The following NBAS variants were observed in gnomAD, a reference collection of about 807,000 sequenced individuals.
NBAS encodes the protein NBAS subunit of NRZ tethering complex.
In NBAS, 219 loss-of-function variants were observed where a neutral mutation model predicts 302.5. The observed-to-expected ratio is 0.72, with a 90% CI of 0.65 to 0.81. The LOEUF (loss-of-function observed/expected upper bound fraction) is 0.81. NBAS is among the 30% of genes least tolerant of loss of function. The probability of loss-of-function intolerance (pLI) is 0.00; values close to 1 mark genes in which losing one functional copy is unlikely to be tolerated. For missense variants in NBAS, 2,932 were observed against 2,841.6 expected, an observed-to-expected ratio of 1.03 and a Z score of -0.72; for synonymous variants, 1,118 against 1,021.6, an observed-to-expected ratio of 1.09 and a Z score of -1.80.
chr2:15,559,525 C>A (rs1329530092), intron 1 of NBAS, among the ~76,000 whole-genome samples: 1 of 152,148 alleles, frequency 6.6e-6, no homozygotes, highest in Non-Finnish European at 1.5e-5. Context: ...TAAGTGTAGA[C>A]AGATTTTTTT....
chr2:14,859,045 A>C, the NBAS span, among the ~76,000 whole-genome samples: 1 of 152,112 alleles, frequency 6.6e-6, no homozygotes, highest in Non-Finnish European at 1.5e-5. Context: ...CCAACAGCAA[A>C]CAATCTGAAA....
chr2:14,792,859 T>A, the NBAS span, among the ~76,000 whole-genome samples: 1 of 151,364 alleles, frequency 6.6e-6, no homozygotes, highest in African/African-American at 2.4e-5. Context: ...CTGACTAGAG[T>A]TTTAAAGTAG....
chr2:15,392,365 G>T (rs1675651524), intron 28 of NBAS, among the ~76,000 whole-genome samples: 1 of 151,568 alleles, frequency 6.6e-6, no homozygotes, highest in Non-Finnish European at 1.5e-5. Context: ...CTTTTATATA[G>T]GAAATCCCAT....
At chr2:15,045,625 T>C in the NBAS span, among the ~76,000 whole-genome samples, 6 of 152,206 alleles carry the variant, frequency 3.9e-5, no homozygotes, top group Non-Finnish European at 8.8e-5. Flanking sequence ...AACAAACACT[T>C]AGGTTGTTTC....
At chr2:15,277,601 C>T (rs934455920) in intron 42 of NBAS, among the ~76,000 whole-genome samples, 1 of 151,956 alleles carries the variant, frequency 6.6e-6, no homozygotes, top group African/African-American at 2.4e-5. Context: ...TTCAATAAAC[C>T]CAAATTTTAT....
chr2:15,286,425 CA>C (rs1670046236), intron 42 of NBAS, among the ~76,000 whole-genome samples: 1 of 152,186 alleles, frequency 6.6e-6, no homozygotes, highest in Non-Finnish European at 1.5e-5. Context: ...AGGAAGAAGT[CA>C]AAAGCCCTTG....
the NBAS span, among the ~76,000 whole-genome samples, chr2:15,021,538 G>T: frequency 6.6e-6 from 1 of 152,192 alleles, no homozygotes; most frequent in East Asian, 1.9e-4. Context: ...ATACATCCAG[G>T]CACAGGTGGA....
At chr2:14,876,791 C>A in the NBAS span, among the ~76,000 whole-genome samples, 1 of 152,168 alleles carries the variant, frequency 6.6e-6, no homozygotes, top group African/African-American at 2.4e-5. Context: ...ACTAACACAC[C>A]CTTAGCTCTC....
intron 47 of NBAS, among the ~76,000 whole-genome samples, chr2:15,228,939 T>C (rs1404634518): frequency 6.6e-6 from 1 of 152,168 alleles, no homozygotes; most frequent in Non-Finnish European, 1.5e-5. Context: ...TACCCATGTA[T>C]TGTATATTTC....
the NBAS span, among the ~76,000 whole-genome samples, chr2:14,959,499 T>G: frequency 2.0e-4 from 31 of 152,200 alleles, no homozygotes; most frequent in African/African-American, 6.8e-4. Flanking sequence ...GCTCTCTCTT[T>G]CTTACAGTCC....
At chr2:15,516,971 G>T (rs1041693821) in intron 9 of NBAS, among the ~76,000 whole-genome samples, 1 of 152,052 alleles carries the variant, frequency 6.6e-6, no homozygotes, top group African/African-American at 2.4e-5. Flanking sequence ...AACTACTAGC[G>T]AGATTGCAAA....
the NBAS span, among the ~76,000 whole-genome samples, chr2:15,160,585 C>CGGGGG: frequency 8.7e-5 from 8 of 92,284 alleles, no homozygotes; most frequent in South Asian, 4.1e-4. Context: ...CCAGTGTGGG[C>CGGGGG]GGGGGGAGGG....
chr2:14,890,046 T>C, the NBAS span, among the ~76,000 whole-genome samples: 1 of 152,238 alleles, frequency 6.6e-6, no homozygotes, highest in African/African-American at 2.4e-5. Flanking sequence ...CTTTAGCAAT[T>C]TGTTTGAAAC....
intron 48 of NBAS, among the ~76,000 whole-genome samples, chr2:15,205,026 T>C (rs903388612): frequency 6.6e-6 from 1 of 151,582 alleles, no homozygotes; most frequent in Non-Finnish European, 1.5e-5. Context: ...AATAAAAAAA[T>C]TAAAAAAAGA....
rs1663528806 is a variant in NBAS, at chr2:15,536,564, G to A, written c.514-13C>T. 1 of 1,587,314 alleles carries A rather than the reference G, an allele frequency of 6.3e-7. No individual in the cohort carries two copies. The highest frequency in any genetic ancestry group is 8.5e-7 in the Non-Finnish European group (1 of 1,170,830). On this transcript the variant is annotated splice_polypyrimidine_tract_variant and intron_variant, in intron 7 of 51. Coordinates refer to ENST00000281513, the MANE Select transcript of NBAS (RefSeq NM_015909.4). ...TAAAACTAGATGCCTACAGAAGAGG[G>A]GGAAATTAAGTTACTAAAAAAAAAA...
At chr2:15,312,269 CT>C (rs540585245) in intron 38 of NBAS, among the ~76,000 whole-genome samples, 6 of 151,534 alleles carry the variant, frequency 4.0e-5, no homozygotes, top group African/African-American at 4.9e-5. Flanking sequence ...CAACTACATT[CT>C]TTTTTTTTCT....
At chr2:15,137,173 C>T in the NBAS span, among the ~76,000 whole-genome samples, 1 of 152,192 alleles carries the variant, frequency 6.6e-6, no homozygotes, top group African/African-American at 2.4e-5. Context: ...TGGACTTTCC[C>T]AGGCTCAGAA....
intron 10 of NBAS, among the ~76,000 whole-genome samples, chr2:15,507,795 G>A (rs2148642548): frequency 6.6e-6 from 1 of 152,228 alleles, no homozygotes; most frequent in East Asian, 1.9e-4. Flanking sequence ...CTGGAGCAGT[G>A]ATTAAATGTT....
At chr2:15,125,443 A>G in the NBAS span, among the ~76,000 whole-genome samples, 2 of 152,194 alleles carry the variant, frequency 1.3e-5, no homozygotes, top group Admixed American at 1.3e-4. Flanking sequence ...TATCACGAGG[A>G]CAGTGCCAAG....
Sources: allele counts gnomAD v4.1 joint callset (sites outside exome capture counted in the v4.1 genomes callset), GRCh38; gene constraint gnomAD v4.1.1; transcripts MANE v1.5; gene names NCBI Gene and HGNC (gene_info 2026-07-23, HGNC 2026-07-21).